Variants in TCF12 observed in about 807,000 individuals in gnomAD.
The protein encoded by TCF12 is transcription factor 12, also known as DNA-binding protein HTF4.
A neutral mutation model predicts 86.0 loss-of-function variants in TCF12; 45 were observed. The ratio of observed to expected loss-of-function variants is 0.52; its 90% CI spans 0.41 to 0.67. TCF12 has a LOEUF of 0.67. TCF12 is among the 30% of genes least tolerant of loss of function. The pLI is 0.00. For synonymous variants in TCF12, 330 were observed against 299.6 expected (o/e 1.10, Z -1.05); for missense variants, 881 against 859.9 (o/e 1.02, Z -0.31).
At chr15:56,936,669 G>A (rs1026890932) in intron 3 of TCF12, among the ~76,000 whole-genome samples, 5 of 152,114 alleles carry the variant, frequency 3.3e-5, no homozygotes, top group African/African-American at 4.8e-5. Flanking sequence ...GGTATGAGAT[G>A]AGGATCCAAT....
chr15:57,235,009 A>C (rs1320524164), intron 12 of TCF12, among the ~76,000 whole-genome samples: 1 of 152,198 alleles, frequency 6.6e-6, no homozygotes. Flanking sequence ...ACTGTTGAGC[A>C]TTTAAGGAGA....
At chr15:57,124,809 C>G (rs138442579) in intron 5 of TCF12, among the ~76,000 whole-genome samples, 1,867 of 152,040 alleles carry the variant, frequency 0.012, 40 homozygotes, top group African/African-American at 0.043. Flanking sequence ...TCCAGAGTAG[C>G]TGGAACTACA....
At chr15:56,941,331 C>T (rs2140355131) in intron 3 of TCF12, among the ~76,000 whole-genome samples, 1 of 151,974 alleles carries the variant, frequency 6.6e-6, no homozygotes, top group African/African-American at 2.4e-5. Flanking sequence ...CGTGCCACTG[C>T]ACTCCAACCT....
chr15:56,945,283 T>C (rs1236194226), intron 3 of TCF12, among the ~76,000 whole-genome samples: 2 of 152,182 alleles, frequency 1.3e-5, no homozygotes, highest in African/African-American at 4.8e-5. Context: ...CTTTTTGCTT[T>C]TTTCTTAATC....
intron 4 of TCF12, among the ~76,000 whole-genome samples, chr15:57,083,596 A>T (rs1403774665): frequency 6.6e-6 from 1 of 152,002 alleles, no homozygotes; most frequent in African/African-American, 2.4e-5. Flanking sequence ...ATTTTTAAAA[A>T]TTTTTTGAGA....
At chr15:57,034,601 G>A (rs2141379570) in intron 3 of TCF12, among the ~76,000 whole-genome samples, 1 of 152,206 alleles carries the variant, frequency 6.6e-6, no homozygotes, top group South Asian at 2.1e-4. Flanking sequence ...ATATGTAGAT[G>A]TATAAAGATA....
chr15:57,022,052 T>TA (rs1283192617), intron 3 of TCF12, among the ~76,000 whole-genome samples: 1 of 148,774 alleles, frequency 6.7e-6, no homozygotes, highest in African/African-American at 2.6e-5. Context: ...CTTTTCTTTT[T>TA]TTTATGTATG....
chr15:57,017,996 T>C (rs1171795588), intron 3 of TCF12, among the ~76,000 whole-genome samples: 2 of 151,984 alleles, frequency 1.3e-5, no homozygotes, highest in Non-Finnish European at 2.9e-5. Context: ...CCAGTGAGGG[T>C]TGAGGTGTTA....
chr15:57,217,769 G>A (rs1244758998), intron 8 of TCF12, among the ~76,000 whole-genome samples: 1 of 152,056 alleles, frequency 6.6e-6, no homozygotes, highest in Non-Finnish European at 1.5e-5. Flanking sequence ...CGATCTGTCA[G>A]TAGAGAAAGA....
At chr15:56,987,323 C>T (rs1286242831) in intron 3 of TCF12, among the ~76,000 whole-genome samples, 1 of 152,120 alleles carries the variant, frequency 6.6e-6, no homozygotes, top group East Asian at 1.9e-4. Context: ...TCATGTTGGC[C>T]AGGCTGGTTT....
chr15:57,122,715 G>A (rs1209252925), intron 5 of TCF12, among the ~76,000 whole-genome samples: 6 of 152,076 alleles, frequency 3.9e-5, no homozygotes, highest in African/African-American at 1.4e-4. Flanking sequence ...TTTTTGTTAG[G>A]ACCTTTGGAA....
At chr15:56,974,888 A>G (rs2062521890) in intron 3 of TCF12, among the ~76,000 whole-genome samples, 1 of 152,122 alleles carries the variant, frequency 6.6e-6, no homozygotes, top group Non-Finnish European at 1.5e-5. Flanking sequence ...AGGCATTACC[A>G]AAAAATTCAT....
chr15:57,158,368 TG>T (rs2054270895), intron 5 of TCF12, among the ~76,000 whole-genome samples: 1 of 151,810 alleles, frequency 6.6e-6, no homozygotes, highest in African/African-American at 2.4e-5. Flanking sequence ...TTTGTAGAGT[TG>T]GGTTTTTGCC....
intron 6 of TCF12, among the ~76,000 whole-genome samples, chr15:57,167,979 T>A (rs2055025702): frequency 6.6e-6 from 1 of 152,176 alleles, no homozygotes; most frequent in Non-Finnish European, 1.5e-5. Flanking sequence ...CTTTTAGGAA[T>A]TTAGCAAGTA....
At chr15:57,103,011 G>C (rs2615217) in intron 5 of TCF12, among the ~76,000 whole-genome samples, 3,210 of 152,250 alleles carry the variant, frequency 0.021, 126 homozygotes, top group African/African-American at 0.069. Context: ...TTGGGCAGTC[G>C]CGTCTCTATT....
intron 3 of TCF12, among the ~76,000 whole-genome samples, chr15:57,032,317 A>G (rs2066247916): frequency 6.6e-6 from 1 of 152,236 alleles, no homozygotes; most frequent in South Asian, 2.1e-4. Flanking sequence ...TGGAACTGCA[A>G]TCTACAGAGG....
chr15:57,067,213 C>T lies in TCF12; in HGVS notation c.222+3390C>T, dbSNP rs775339760. On this transcript the variant is annotated intron_variant, in intron 4 of 20. Transcript: ENST00000333725. ...AGCAATCCATTCAGTGAAGAGGTTTCGCTAGGTTGACATAAAAATAGACAT... is the reference window on the plus strand; with the variant it reads ...AGCAATCCATTCAGTGAAGAGGTTTTGCTAGGTTGACATAAAAATAGACAT... 8.5e-5 allele frequency among the ~76,000 whole-genome samples: 13 copies of T among 152,258 alleles called. No individual in the cohort carries two copies. The South Asian group carries it at 1.2e-3, about 15-fold the overall frequency.
chr15:56,936,746 C>A (rs1722215683), intron 3 of TCF12, among the ~76,000 whole-genome samples: 1 of 152,156 alleles, frequency 6.6e-6, no homozygotes, highest in Non-Finnish European at 1.5e-5. Context: ...GTCCTTTCCC[C>A]ACTTTAGTTT....
At chr15:57,179,895 A>G (rs1454870672) in intron 6 of TCF12, among the ~76,000 whole-genome samples, 1 of 152,222 alleles carries the variant, frequency 6.6e-6, no homozygotes, top group African/African-American at 2.4e-5. Context: ...TGTCTTAGAC[A>G]AAACACTAGA....
Sources: allele counts gnomAD v4.1 joint callset (sites outside exome capture counted in the v4.1 genomes callset), GRCh38; gene constraint gnomAD v4.1.1; transcripts MANE v1.5; gene names NCBI Gene and HGNC (gene_info 2026-07-23, HGNC 2026-07-21).